Variants in EPHA6 observed in about 807,000 individuals in gnomAD.
EPHA6 encodes ephrin type-A receptor 6.
Under a neutral mutation model 112.0 loss-of-function variants are expected in EPHA6, and 50 were observed. The ratio of observed to expected loss-of-function variants is 0.45; its 90% CI spans 0.36 to 0.56. The LOEUF (loss-of-function observed/expected upper bound fraction) is 0.56, where lower values mean the gene tolerates loss of function less well. EPHA6 is among the 20% of genes least tolerant of loss of function. The pLI is 0.00. For missense variants in EPHA6, 1,280 were observed against 1,417.4 expected (o/e 0.90, Z 1.56); for synonymous variants, 529 against 490.7 (o/e 1.08, Z -1.03).
At chr3:97,126,446 T>C (rs2108315435) in intron 3 of EPHA6, among the ~76,000 whole-genome samples, 1 of 152,296 alleles carries the variant, frequency 6.6e-6, no homozygotes, top group Middle Eastern at 3.4e-3. Context: ...GTAAAATTTA[T>C]CCAAGACTGC....
At chr3:97,246,062 G>A (rs993717954) in intron 5 of EPHA6, among the ~76,000 whole-genome samples, 1 of 151,740 alleles carries the variant, frequency 6.6e-6, no homozygotes, top group Non-Finnish European at 1.5e-5. Flanking sequence ...TTGCTTTATG[G>A]TTATTCAAAA....
intron 2 of EPHA6, among the ~76,000 whole-genome samples, chr3:96,936,733 A>G (rs1217308487): frequency 6.6e-6 from 1 of 152,104 alleles, no homozygotes; most frequent in East Asian, 1.9e-4. Flanking sequence ...AGCTTTAGGT[A>G]TATCTCCTAA....
chr3:97,647,158 G>C (rs906234061), intron 14 of EPHA6, among the ~76,000 whole-genome samples: 2 of 152,104 alleles, frequency 1.3e-5, no homozygotes, highest in Admixed American at 1.3e-4. Context: ...AGAACTACAA[G>C]CAAGAAAGCA....
chr3:97,277,721 A>G (rs1374607641), intron 5 of EPHA6, among the ~76,000 whole-genome samples: 1 of 152,212 alleles, frequency 6.6e-6, no homozygotes, highest in African/African-American at 2.4e-5. Context: ...ATACAGTATA[A>G]AGGTTATAAC....
At chr3:97,072,766 G>A (rs2046399138) in intron 3 of EPHA6, among the ~76,000 whole-genome samples, 1 of 152,100 alleles carries the variant, frequency 6.6e-6, no homozygotes, top group Non-Finnish European at 1.5e-5. Context: ...TCTAGACAAA[G>A]TTGAAAAGAA....
chr3:97,624,722 A>C (rs956238319), intron 13 of EPHA6, among the ~76,000 whole-genome samples: 4 of 151,536 alleles, frequency 2.6e-5, no homozygotes, highest in South Asian at 2.1e-4. Context: ...TACTAATTTA[A>C]TCTTATTACT....
intron 3 of EPHA6, among the ~76,000 whole-genome samples, chr3:97,135,935 G>A (rs377029260): frequency 1.3e-5 from 2 of 152,028 alleles, no homozygotes; most frequent in African/African-American, 4.8e-5. Context: ...GAATAAAATG[G>A]TGTTGTCTGA....
intron 5 of EPHA6, among the ~76,000 whole-genome samples, chr3:97,359,861 C>T (rs2084280342): frequency 1.3e-5 from 2 of 152,050 alleles, no homozygotes; most frequent in South Asian, 4.2e-4. Context: ...TAAGCTTGTG[C>T]CTTTCTCTAA....
At chr3:97,730,741 G>T (rs1456336948) in intron 15 of EPHA6, among the ~76,000 whole-genome samples, 1 of 152,088 alleles carries the variant, frequency 6.6e-6, no homozygotes, top group Non-Finnish European at 1.5e-5. Context: ...AAGCTTCTCT[G>T]AAAATTCAGC....
intron 2 of EPHA6, among the ~76,000 whole-genome samples, chr3:96,955,382 T>A (rs1035671567): frequency 1.3e-5 from 2 of 152,218 alleles, no homozygotes; most frequent in Non-Finnish European, 2.9e-5. Flanking sequence ...AGACTTGATA[T>A]TTACTCATGC....
intron 5 of EPHA6, among the ~76,000 whole-genome samples, chr3:97,328,636 C>T (rs970567179): frequency 6.6e-6 from 1 of 151,846 alleles, no homozygotes; most frequent in Admixed American, 6.6e-5. Context: ...ATATTTTCTC[C>T]CAGCTTGTAG....
chr3:96,987,410 A>G lies in EPHA6; in HGVS notation c.531A>G (p.Gln177=), dbSNP rs773243647. ...YQVCNVMEPN[Q]NNWLRTNWIS... ...TATGTAATGTAATGGAACCAAACCA[A>G]AACAACTGGCTTCGTACAAACTGGA... Residue 177 remains glutamine (Q), a synonymous_variant, in exon 3 of 18, where the codon CAA becomes CAG. Transcript: ENST00000389672. 1 of 1,613,926 alleles carries G rather than the reference A, an allele frequency of 6.2e-7. No individual in the cohort carries two copies. Among genetic ancestry groups the G allele is most frequent in the Admixed American group, 1.7e-5 (1 of 60,004 alleles).
intron 14 of EPHA6, among the ~76,000 whole-genome samples, chr3:97,642,822 C>T (rs532433187): frequency 1.3e-5 from 2 of 151,300 alleles, no homozygotes; most frequent in Non-Finnish European, 2.9e-5. Context: ...GATTGGTGTA[C>T]CTGAAAGTGT....
At chr3:97,343,847 G>T (rs1384528982) in intron 5 of EPHA6, among the ~76,000 whole-genome samples, 1 of 152,186 alleles carries the variant, frequency 6.6e-6, no homozygotes, top group Non-Finnish European at 1.5e-5. Context: ...ACAGAGCAAA[G>T]GGAGTGACAT....
At chr3:97,703,908 C>T (rs1576320108) in intron 14 of EPHA6, among the ~76,000 whole-genome samples, 3 of 152,290 alleles carry the variant, frequency 2.0e-5, no homozygotes, top group African/African-American at 2.4e-5. Flanking sequence ...CTTTCTTTCT[C>T]ATTCCCAGTA....
chr3:97,147,519 G>T (rs1464482803), intron 3 of EPHA6, among the ~76,000 whole-genome samples: 1 of 151,710 alleles, frequency 6.6e-6, no homozygotes, highest in Non-Finnish European at 1.5e-5. Context: ...TACTTTTCTT[G>T]TTATAAAGGT....
intron 5 of EPHA6, among the ~76,000 whole-genome samples, chr3:97,402,491 T>G (rs2087052632): frequency 6.6e-6 from 1 of 152,120 alleles, no homozygotes; most frequent in Non-Finnish European, 1.5e-5. Flanking sequence ...GCATGGAATG[T>G]CTTTTTCCAT....
chr3:97,720,522 T>A, intron 15 of EPHA6, 112 bp downstream of exon 15: 3 of 939,696 alleles, frequency 3.2e-6, no homozygotes, highest in Non-Finnish European at 4.6e-6. Context: ...CCTGAGAACT[T>A]CTCATGGTCT....
intron 5 of EPHA6, among the ~76,000 whole-genome samples, chr3:97,300,722 G>A (rs1576883797): frequency 6.6e-6 from 1 of 152,220 alleles, no homozygotes; most frequent in African/African-American, 2.4e-5. Context: ...CAAAGGGACA[G>A]GGGTCAGGGC....
Sources: gnomAD v4.1 joint callset for allele counts (sites outside exome capture counted in the v4.1 genomes callset) on GRCh38, gnomAD v4.1.1 for gene constraint, MANE v1.5 for transcripts, NCBI Gene and HGNC (gene_info 2026-07-23, HGNC 2026-07-21) for gene names.